Variants in DSCAM observed in about 807,000 individuals in gnomAD.
The protein encoded by DSCAM is cell adhesion molecule DSCAM.
In DSCAM, 47 loss-of-function variants were observed where a neutral mutation model predicts 217.7. That is an observed-to-expected ratio of 0.22 (90% CI 0.17 to 0.28). The LOEUF (loss-of-function observed/expected upper bound fraction) is 0.28. DSCAM is among the 10% of genes least tolerant of loss of function. The pLI is 1.00. For synonymous variants in DSCAM, 1,056 were observed against 1,015.3 expected (o/e 1.04, Z -0.76); for missense variants, 2,080 against 2,618.3 (o/e 0.79, Z 4.49).
At chr21:40,084,425 G>A (rs1019310502) in intron 23 of DSCAM, among the ~76,000 whole-genome samples, 16 of 151,764 alleles carry the variant, frequency 1.1e-4, no homozygotes, top group African/African-American at 3.4e-4. Flanking sequence ...GGATGGAAAA[G>A]GGGAAGGAGG....
intron 3 of DSCAM, among the ~76,000 whole-genome samples, chr21:40,405,629 G>A (rs1312029421): frequency 2.0e-5 from 3 of 152,116 alleles, no homozygotes; most frequent in Admixed American, 6.5e-5. Context: ...ATACATAAGA[G>A]ACTCAATACA....
At chr21:40,502,233 T>C (rs12483064) in intron 3 of DSCAM, among the ~76,000 whole-genome samples, 13,482 of 152,240 alleles carry the variant, frequency 0.089, 693 homozygotes, top group Middle Eastern at 0.16. Flanking sequence ...TATAGCTCTC[T>C]ATACATTTTT....
intron 3 of DSCAM, among the ~76,000 whole-genome samples, chr21:40,621,948 A>AAAGG (rs2089524595): frequency 6.8e-6 from 1 of 146,922 alleles, no homozygotes; most frequent in Non-Finnish European, 1.5e-5. Context: ...AAGAAAAAAG[A>AAAGG]AAGGAAGGAA....
intron 11 of DSCAM, among the ~76,000 whole-genome samples, chr21:40,198,446 T>C (rs2091037865): frequency 6.6e-6 from 1 of 152,146 alleles, no homozygotes; most frequent in Non-Finnish European, 1.5e-5. Flanking sequence ...CCCACCATCA[T>C]CATACCCAGG....
chr21:40,803,186 CAT>C (rs890368163), intron 1 of DSCAM, among the ~76,000 whole-genome samples: 4 of 152,198 alleles, frequency 2.6e-5, no homozygotes, highest in South Asian at 2.1e-4. Flanking sequence ...GCTGAAATCT[CAT>C]ATGTTTTTCA....
At chr21:40,353,787 G>C in intron 4 of DSCAM, 44 bp from the exon 5 acceptor site, 1 of 1,452,332 alleles carries the variant, frequency 6.9e-7, no homozygotes, top group South Asian at 1.5e-5. Context: ...ATGAGGAGTT[G>C]AAGTGGTCAT....
chr21:40,147,788 A>G (rs886179116), intron 16 of DSCAM, among the ~76,000 whole-genome samples: 4 of 152,158 alleles, frequency 2.6e-5, no homozygotes, highest in Non-Finnish European at 4.4e-5. Flanking sequence ...TCTTTACTTC[A>G]TAGTCTTTAA....
chr21:40,431,834 T>C (rs2075535495), intron 3 of DSCAM, among the ~76,000 whole-genome samples: 1 of 152,168 alleles, frequency 6.6e-6, no homozygotes, highest in Non-Finnish European at 1.5e-5. Flanking sequence ...ACCGTACTAG[T>C]TTCTTGTGGC....
chr21:40,567,062 G>A (rs1052207974), intron 3 of DSCAM, among the ~76,000 whole-genome samples: 7 of 152,030 alleles, frequency 4.6e-5, no homozygotes, highest in African/African-American at 1.7e-4. Context: ...GATGCTCATG[G>A]GTCCTCCCTC....
intron 20 of DSCAM, among the ~76,000 whole-genome samples, chr21:40,122,175 T>C (rs1441828192): frequency 1.3e-5 from 2 of 152,192 alleles, no homozygotes; most frequent in South Asian, 4.1e-4. Flanking sequence ...TTGTATGTAA[T>C]TCTTAGGCCA....
chr21:40,791,324 T>C (rs1376530444), intron 1 of DSCAM, among the ~76,000 whole-genome samples: 1 of 151,648 alleles, frequency 6.6e-6, no homozygotes, highest in Non-Finnish European at 1.5e-5. Flanking sequence ...TCCGCTTACG[T>C]TGGCTTAGTA....
At chr21:40,319,684 C>T (rs2074238848) in intron 8 of DSCAM, among the ~76,000 whole-genome samples, 1 of 152,056 alleles carries the variant, frequency 6.6e-6, no homozygotes, top group Non-Finnish European at 1.5e-5. Flanking sequence ...AATTTACATC[C>T]CCACCAACAC....
In DSCAM at chr21:40,078,996, G is replaced by A. The variant is rs780858289; in HGVS notation, c.4421-19C>T. ...TGGGGCTCTGGGGGAGAAGGCACAT[G>A]GAGGTCAGCTCACAGGACACATGGG... On this transcript the variant is annotated intron_variant, in intron 25 of 32. Coordinates refer to ENST00000400454, the MANE Select transcript of DSCAM (RefSeq NM_001389.5). The A allele has an allele frequency of 2.5e-6, 4 of 1,610,466 alleles. No individual in the cohort carries two copies. Among genetic ancestry groups the A allele is most frequent in the South Asian group, 2.2e-5 (2 of 90,282 alleles).
intron 5 of DSCAM, among the ~76,000 whole-genome samples, chr21:40,352,939 G>T (rs987500592): frequency 1.3e-5 from 2 of 152,302 alleles, no homozygotes; most frequent in African/African-American, 4.8e-5. Context: ...ATTTGGAGTA[G>T]ATGATCTATA....
intron 11 of DSCAM, among the ~76,000 whole-genome samples, chr21:40,206,753 A>AT (rs199709656): frequency 0.035 from 5,270 of 152,174 alleles, 133 homozygotes; most frequent in African/African-American, 0.069. Flanking sequence ...TACAAAAATA[A>AT]AATAATAAAT....
At chr21:40,360,053 T>C (rs912935666) in intron 4 of DSCAM, among the ~76,000 whole-genome samples, 4 of 151,850 alleles carry the variant, frequency 2.6e-5, no homozygotes, top group Admixed American at 6.6e-5. Flanking sequence ...CATGGGAATA[T>C]TACGTGATGC....
At position 40,080,252 on chromosome 21, in the gene DSCAM, A is replaced by G. The variant is rs1306687747; in HGVS notation, c.4320T>C (p.Asn1440=). ...SPSERSYRLE[N]LKCGTWYKFT... ...ACTTATACCAAGTCCCACATTTGAG[A>G]TTTTCCAAGCGATAGGAACGTTCGC... Residue 1440 remains asparagine (N), a synonymous_variant, in exon 25 of 33, where the codon AAT becomes AAC. Coordinates refer to ENST00000400454, the MANE Select transcript of DSCAM (RefSeq NM_001389.5). 3 of 1,613,096 alleles carry G rather than the reference A, an allele frequency of 1.9e-6. No individual in the cohort carries two copies. The highest frequency in any genetic ancestry group is 2.7e-5 in the African/African-American group (2 of 74,628).
At chr21:40,204,618 G>C (rs1353165563) in intron 11 of DSCAM, among the ~76,000 whole-genome samples, 3 of 152,080 alleles carry the variant, frequency 2.0e-5, no homozygotes, top group Non-Finnish European at 4.4e-5. Flanking sequence ...TAACACCAAT[G>C]GTTTTGCAGA....
At chr21:40,443,859 C>A (rs996907919) in intron 3 of DSCAM, among the ~76,000 whole-genome samples, 2 of 152,180 alleles carry the variant, frequency 1.3e-5, no homozygotes, top group Non-Finnish European at 1.5e-5. Context: ...AGCTCTACAT[C>A]ATATTTGTAT....
Sources: allele counts gnomAD v4.1 joint callset (sites outside exome capture counted in the v4.1 genomes callset), GRCh38; gene constraint gnomAD v4.1.1; transcripts MANE v1.5; gene names NCBI Gene and HGNC (gene_info 2026-07-23, HGNC 2026-07-21).